The following PCDHGB1 variants were observed in gnomAD, a reference collection of about 807,000 sequenced individuals.
PCDHGB1 encodes the protein protocadherin gamma subfamily B, 1, also known as protocadherin gamma-B1.
In PCDHGB1, 34 loss-of-function variants were observed where a neutral mutation model predicts 56.6. That is an observed-to-expected ratio of 0.60 (90% CI 0.46 to 0.80). The LOEUF (loss-of-function observed/expected upper bound fraction) is 0.80, where lower values mean the gene tolerates loss of function less well. PCDHGB1 is among the 30% of genes least tolerant of loss of function. The probability of loss-of-function intolerance (pLI) is 0.00; values close to 1 mark genes in which losing one functional copy is unlikely to be tolerated. For missense variants in PCDHGB1, 1,278 were observed against 1,204.6 expected (o/e 1.06, Z -0.90); for synonymous variants, 561 against 505.9 (o/e 1.11, Z -1.46).
intron 1 of PCDHGB1, among the ~76,000 whole-genome samples, chr5:141,462,538 C>G (rs565849689): frequency 1.3e-5 from 2 of 152,102 alleles, no homozygotes; most frequent in South Asian, 2.1e-4. Context: ...GTTCAGTGAT[C>G]TTTTCTTCTT....
At chr5:141,441,820 G>A in intron 1 of PCDHGB1, 1 of 359,390 alleles carries the variant, frequency 2.8e-6, no homozygotes, top group Non-Finnish European at 5.5e-6. Flanking sequence ...CCCAGCTCTG[G>A]AGCGCAATGG....
chr5:141,366,075 C>T (rs1373930718), intron 1 of PCDHGB1: 1 of 1,614,264 alleles, frequency 6.2e-7, no homozygotes, highest in Admixed American at 1.7e-5. Context: ...CCTCGCTCCG[C>T]AGAACCTGGC....
At chr5:141,474,997 A>C (rs2154572220) in intron 1 of PCDHGB1, among the ~76,000 whole-genome samples, 1 of 152,376 alleles carries the variant, frequency 6.6e-6, no homozygotes, top group African/African-American at 2.4e-5. Flanking sequence ...ACAATTCTAA[A>C]TGCAGAAAAG....
chr5:141,383,553 C>T (rs765903383), intron 1 of PCDHGB1: 3 of 1,612,130 alleles, frequency 1.9e-6, no homozygotes, highest in South Asian at 2.2e-5. Flanking sequence ...CTGATGGCGG[C>T]GACCCGCCCC....
rs772487189 is a variant in PCDHGB1 at position 141,415,555 on chromosome 5, C to G, written c.2409+62886C>G. 5 of 1,613,954 alleles carry G rather than the reference C, an allele frequency of 3.1e-6. No homozygotes were observed. In the African/African-American group the frequency reaches 6.7e-5, roughly 22 times the overall value. On this transcript the variant is annotated intron_variant, in intron 1 of 3. Transcript: ENST00000523390. ...CCAGGAGAGCTGTGAGAAAAACGAT[C>G]CTTTGTCTTTGTTAGATGATTCGAA...
In PCDHGB1 at chr5:141,491,764, C is replaced by T; in HGVS notation, c.2410-3043C>T. The stretch of plus-strand genomic sequence containing the variant: ...CGGCACTGGAGAAGCCGCCCGTCCT[C>T]ATAAGGGATTGAACTTGCATCCACT... On this transcript the variant is annotated intron_variant, in intron 1 of 3. Transcript: ENST00000523390. The surrounding 1 kb of genome is among the most constrained non-coding windows in gnomAD (Gnocchi z 6.9). The T allele has an allele frequency of 6.4e-7, 1 of 1,570,206 alleles. No homozygotes were observed. Among genetic ancestry groups the T allele is most frequent in the Non-Finnish European group, 8.6e-7 (1 of 1,159,296 alleles).
At chr5:141,392,818 C>T (rs1306076998) in intron 1 of PCDHGB1, 1 of 1,589,068 alleles carries the variant, frequency 6.3e-7, no homozygotes, top group East Asian at 2.2e-5. Flanking sequence ...ACAACAATGG[C>T]CGCTCCACAG....
intron 1 of PCDHGB1, among the ~76,000 whole-genome samples, chr5:141,484,084 T>A (rs1030166144): frequency 3.3e-5 from 5 of 152,174 alleles, no homozygotes; most frequent in African/African-American, 4.8e-5. Flanking sequence ...TCTTTTGAAA[T>A]GGTCTTCGTT....
chr5:141,381,758 A>C (rs1777407424), intron 1 of PCDHGB1, among the ~76,000 whole-genome samples: 1 of 151,374 alleles, frequency 6.6e-6, no homozygotes. Context: ...TTGTTCTACT[A>C]CTATATAATC....
rs984222446 is a variant in PCDHGB1 at position 141,493,942 on chromosome 5, G to T, written c.2410-865G>T. ...ACACACCCCCTGGAAAGACCAGAAG[G>T]GACTCAGGAATGAAGTGGCTGGCCA... On this transcript the variant is annotated intron_variant, in intron 1 of 3. Transcript: ENST00000523390. The surrounding 1 kb of genome is among the most constrained non-coding windows in gnomAD (Gnocchi z 4.3). Among the ~76,000 whole-genome samples the T allele has an allele frequency of 1.3e-5, 2 of 152,168 alleles. No individual in the cohort carries two copies. Among genetic ancestry groups the T allele is most frequent in the Non-Finnish European group, 1.5e-5 (1 of 68,022 alleles).
At chr5:141,396,974 T>C (rs947865597) in intron 1 of PCDHGB1, among the ~76,000 whole-genome samples, 3 of 152,218 alleles carry the variant, frequency 2.0e-5, no homozygotes, top group Admixed American at 6.5e-5. Flanking sequence ...CCTAAAAATG[T>C]TGGCTAGTTG....
intron 1 of PCDHGB1, chr5:141,355,002 A>G: frequency 1.3e-6 from 1 of 756,684 alleles, no homozygotes; most frequent in South Asian, 3.1e-5. Flanking sequence ...GGGGGAAAAG[A>G]CAAACCAGAA....
At chr5:141,368,352 CAT>C (rs965270733) in intron 1 of PCDHGB1, among the ~76,000 whole-genome samples, 1 of 152,006 alleles carries the variant, frequency 6.6e-6, no homozygotes, top group East Asian at 1.9e-4. Context: ...TATACACACA[CAT>C]ATATATACAC....
At chr5:141,409,262 G>A (rs768196825) in intron 1 of PCDHGB1, 2 of 1,613,834 alleles carry the variant, frequency 1.2e-6, no homozygotes, top group African/African-American at 2.7e-5. Flanking sequence ...TTCTCTCTCT[G>A]ATCAGATTTT....
chr5:141,481,151 G>A (rs1326614212), intron 1 of PCDHGB1, among the ~76,000 whole-genome samples: 1 of 152,198 alleles, frequency 6.6e-6, no homozygotes, highest in African/African-American at 2.4e-5. Context: ...TGTTATTCTG[G>A]TATTTGCAGA....
At chr5:141,387,791 A>T in intron 1 of PCDHGB1, 1 of 1,492,120 alleles carries the variant, frequency 6.7e-7, no homozygotes, top group Non-Finnish European at 8.9e-7. Context: ...AACTGCAACT[A>T]AAGTCCGTTC....
intron 1 of PCDHGB1, chr5:141,395,065 A>G: frequency 6.2e-7 from 1 of 1,614,132 alleles, no homozygotes; most frequent in South Asian, 1.1e-5. Context: ...GCTTTCCTGC[A>G]GACCTATTCC....
rs541533867 is a variant in PCDHGB1 at position 141,415,164 on chromosome 5, G to T, written c.2409+62495G>T. 6.8e-6 allele frequency: 11 copies of T among 1,613,838 alleles called. No individual in the cohort carries two copies. The African/African-American group carries it at 1.3e-4, about 20-fold the overall frequency. Reference sequence around the variant, plus strand: ...AGCCCCCTCTCTCCGCCACTGTCACGCTCACCGTGGCCGTGGCCGACAGCA... The same window carrying T: ...AGCCCCCTCTCTCCGCCACTGTCACTCTCACCGTGGCCGTGGCCGACAGCA... On this transcript the variant is annotated intron_variant, in intron 1 of 3. Transcript: ENST00000523390.
At position 141,487,152 on chromosome 5, in the gene PCDHGB1, C is replaced by T. The variant is rs772254681; in HGVS notation, c.2410-7655C>T. On this transcript the variant is annotated intron_variant, in intron 1 of 3. Coordinates refer to ENST00000523390, the MANE Select transcript of PCDHGB1 (RefSeq NM_018922.3). The surrounding 1 kb of genome is among the most constrained non-coding windows in gnomAD (Gnocchi z 5.0). ...AGTCCACCACTCTCTACCTCTGTTA[C>T]TCTCTTAGTGTCCTTAGAGGAAGAC... 3.7e-6 allele frequency: 6 copies of T among 1,613,860 alleles called. No homozygotes were observed. Among genetic ancestry groups the T allele is most frequent in the Non-Finnish European group, 5.1e-6 (6 of 1,179,828 alleles).
Sources: allele counts gnomAD v4.1 joint callset (sites outside exome capture counted in the v4.1 genomes callset), GRCh38; gene constraint gnomAD v4.1.1; non-coding constraint Gnocchi (gnomAD v3.1); transcripts MANE v1.5; gene names NCBI Gene and HGNC (gene_info 2026-07-23, HGNC 2026-07-21).